The following DNMBP variants were observed in gnomAD, a reference collection of about 807,000 sequenced individuals.
DNMBP encodes the protein dynamin binding protein.
Under a neutral mutation model 150.0 loss-of-function variants are expected in DNMBP, and 87 were observed. The observed-to-expected ratio is 0.58, with a 90% CI of 0.49 to 0.69. The LOEUF is 0.69. DNMBP is among the 30% of genes least tolerant of loss of function. The pLI, the probability that DNMBP is intolerant of heterozygous loss-of-function variation, is 0.00. For synonymous variants in DNMBP, 711 were observed against 750.4 expected, an observed-to-expected ratio of 0.95 and a Z score of 0.86; for missense variants, 1,774 against 1,949.0, an observed-to-expected ratio of 0.91 and a Z score of 1.69.
In DNMBP at chr10:99,895,058, A is replaced by G. The variant is rs574750345; in HGVS notation, c.3052-8T>C. 5.4e-5 allele frequency: 85 copies of G among 1,566,880 alleles called. 1 individual carries two copies. The South Asian group carries it at 8.9e-4, about 16-fold the overall frequency. ...AAATACTTCATCTTTTATCTGTTCA[A>G]AAATAAACAAGTGCTGTTAGCAAAT... On this transcript the variant is annotated splice_region_variant and splice_polypyrimidine_tract_variant and intron_variant, in intron 10 of 16. Coordinates refer to ENST00000324109, the MANE Select transcript of DNMBP (RefSeq NM_015221.4).
intron 4 of DNMBP, chr10:99,930,661 T>C (rs1345437240): frequency 1.4e-6 from 1 of 702,892 alleles, no homozygotes; most frequent in Admixed American, 2.0e-5. Context: ...ACTGTAAGGT[T>C]CCTTTTCCGT....
intron 1 of DNMBP, among the ~76,000 whole-genome samples, chr10:99,977,374 T>G (rs568457732): frequency 2.0e-5 from 3 of 152,296 alleles, no homozygotes; most frequent in African/African-American, 7.2e-5. Context: ...ATAAATGGCT[T>G]CTATAAGCTG....
chr10:99,994,788 T>A lies in DNMBP; in HGVS notation c.-11+15050A>T, dbSNP rs2040933657. ...ACATTGGCATTACTGTTAAATCCTT[T>A]AAACACATCAAACTATGATTCTCAT... On this transcript the variant is annotated intron_variant, in intron 1 of 16. Coordinates refer to ENST00000324109, the MANE Select transcript of DNMBP (RefSeq NM_015221.4). 3.3e-5 allele frequency among the ~76,000 whole-genome samples: 5 copies of A among 152,214 alleles called. No individual in the cohort carries two copies. The South Asian group carries it at 1.0e-3, about 31-fold the overall frequency.
chr10:99,927,770 T>A (rs572860332), intron 4 of DNMBP, among the ~76,000 whole-genome samples: 1 of 152,124 alleles, frequency 6.6e-6, no homozygotes, highest in African/African-American at 2.4e-5. Context: ...GTTGTAGAAA[T>A]GGAAATGATA....
intron 4 of DNMBP, chr10:99,928,077 T>C (rs2040102643): frequency 6.6e-6 from 1 of 152,110 alleles, no homozygotes; most frequent in African/African-American, 2.4e-5. Context: ...AGAGAGAAAA[T>C]GCACCTAGGA....
At chr10:99,959,631 T>C (rs2040539850) in intron 3 of DNMBP, among the ~76,000 whole-genome samples, 1 of 151,884 alleles carries the variant, frequency 6.6e-6, no homozygotes, top group Non-Finnish European at 1.5e-5. Context: ...GGTAGAAGGA[T>C]TGCTGGAGCA....
At chr10:99,953,091 G>A (rs1348297000) in intron 4 of DNMBP, among the ~76,000 whole-genome samples, 3 of 152,070 alleles carry the variant, frequency 2.0e-5, no homozygotes, top group Admixed American at 6.6e-5. Flanking sequence ...TTTCTCCTGT[G>A]AGTCTGGTGA....
chr10:100,000,569 T>C (rs2040997380), intron 1 of DNMBP, among the ~76,000 whole-genome samples: 2 of 152,100 alleles, frequency 1.3e-5, no homozygotes, highest in Admixed American at 1.3e-4. Flanking sequence ...AAGACAAAAA[T>C]GGGGATTCTA....
rs577641603 is a variant in DNMBP, at chr10:99,987,058, G to T, written c.-10-14924C>A. On this transcript the variant is annotated intron_variant, in intron 1 of 16. Transcript: ENST00000324109. ...TAGTCCCAGCTACTCGGGAGGCTGA[G>T]GCGGGAGAATGGCATGAACCCGGGA... Among the ~76,000 whole-genome samples the T allele has an allele frequency of 1.8e-3, 267 of 152,082 alleles. 1 individual carries two copies. The highest frequency in any genetic ancestry group is 6.3e-3 in the African/African-American group (262 of 41,460).
Position 99,886,367 on chromosome 10 carries a change from T to C in DNMBP, c.3551A>G (p.His1184Arg), listed in dbSNP as rs1394886826. Reference sequence around the variant, plus strand: ...GTCACAGTGGGCTTCAGCATAGCCGTGGACACAGTTGGTGAAGAGGCCCTG... The same window carrying C: ...GTCACAGTGGGCTTCAGCATAGCCGCGGACACAGTTGGTGAAGAGGCCCTG... ...YAQGLFTNCVHGYAEAHCDFV... is the reference protein window; with the variant it reads ...YAQGLFTNCVRGYAEAHCDFV... Residue 1184 changes from histidine (H) to arginine (R), a missense_variant, in exon 13 of 17, where the codon CAC becomes CGC. Transcript: ENST00000324109. The C allele has an allele frequency of 6.2e-7, 1 of 1,614,072 alleles. No individual in the cohort carries two copies. Among genetic ancestry groups the C allele is most frequent in the Non-Finnish European group, 8.5e-7 (1 of 1,180,050 alleles).
chr10:99,982,156 T>C (rs1383434007), intron 1 of DNMBP, among the ~76,000 whole-genome samples: 1 of 151,984 alleles, frequency 6.6e-6, no homozygotes, highest in African/African-American at 2.4e-5. Context: ...ATGAAAAGAA[T>C]GGGGATGGCT....
chr10:99,901,623 G>A (rs974198100), intron 6 of DNMBP, among the ~76,000 whole-genome samples: 8 of 152,060 alleles, frequency 5.3e-5, no homozygotes, highest in African/African-American at 1.9e-4. Flanking sequence ...TGAACGTGCG[G>A]GTCCCTGGCT....
intron 12 of DNMBP, 47 bp downstream of exon 12, chr10:99,888,778 A>C: frequency 6.2e-7 from 1 of 1,610,452 alleles, no homozygotes; most frequent in Non-Finnish European, 8.5e-7. Flanking sequence ...GATGTATTTG[A>C]GATGACCCTG....
At chr10:100,007,856 A>T (rs889167361) in intron 1 of DNMBP, among the ~76,000 whole-genome samples, 5 of 152,254 alleles carry the variant, frequency 3.3e-5, no homozygotes, top group Non-Finnish European at 5.9e-5. Flanking sequence ...CAATCTTGAA[A>T]ATTAGCTTAT....
At chr10:99,923,067 A>G (rs1309377127) in intron 4 of DNMBP, among the ~76,000 whole-genome samples, 1 of 152,190 alleles carries the variant, frequency 6.6e-6, no homozygotes. Flanking sequence ...CAGCCTGGCC[A>G]ACTTGGCAAG....
intron 1 of DNMBP, among the ~76,000 whole-genome samples, chr10:99,974,605 C>T (rs533520417): frequency 1.3e-5 from 2 of 151,946 alleles, no homozygotes; most frequent in Non-Finnish European, 2.9e-5. Context: ...TCAAGTGATC[C>T]TCCTGCCTCA....
Position 99,888,870 on chromosome 10 carries a change from A to C in DNMBP, c.3240T>G (p.Phe1080Leu). The C allele has an allele frequency of 6.2e-7, 1 of 1,614,096 alleles. No individual in the cohort carries two copies. The highest frequency in any genetic ancestry group is 8.5e-7 in the Non-Finnish European group (1 of 1,179,994). Reference sequence around the variant, plus strand: ...CACTGATGTAGCGATGCACCCTCTCAAACTGCTCCAGGTCCCGGTGTCCTC... The same window carrying C: ...CACTGATGTAGCGATGCACCCTCTCCAACTGCTCCAGGTCCCGGTGTCCTC... Reference protein sequence around the residue: ...MERGHRDLEQFERVHRYISDQ... With the variant: ...MERGHRDLEQLERVHRYISDQ... Residue 1080 changes from phenylalanine to leucine, a missense_variant, in exon 12 of 17, where the codon TTT becomes TTG. Phe to Leu is a conservative substitution (Grantham distance 22, BLOSUM62 0). Around this residue, in one of 2 missense-constraint regions of DNMBP, gnomAD observed 1,430 missense variants for 1,492.5 expected, o/e 0.96. Transcript: ENST00000324109.
chr10:99,894,253 GAA>G (rs940053549), intron 11 of DNMBP, among the ~76,000 whole-genome samples: 5 of 152,292 alleles, frequency 3.3e-5, no homozygotes, highest in Admixed American at 3.3e-4. Flanking sequence ...CTGGGTGAGA[GAA>G]AGAGACTCTG....
At chr10:99,963,822 AG>A (rs2133343920) in intron 3 of DNMBP, among the ~76,000 whole-genome samples, 1 of 151,278 alleles carries the variant, frequency 6.6e-6, no homozygotes, top group Non-Finnish European at 1.5e-5. Context: ...TCTAAATGCC[AG>A]GGGAACTATG....
Sources: allele counts gnomAD v4.1 joint callset (sites outside exome capture counted in the v4.1 genomes callset), GRCh38; gene constraint gnomAD v4.1.1; regional missense constraint gnomAD v4.1.1; transcripts MANE v1.5; gene names NCBI Gene and HGNC (gene_info 2026-07-23, HGNC 2026-07-21).